ELF1: variants seen among roughly 807,000 people sequenced by gnomAD.
ELF1 encodes ETS-related transcription factor Elf-1.
A neutral mutation model predicts 59.9 loss-of-function variants in ELF1; 24 were observed. The observed-to-expected ratio is 0.40, with a 90% CI of 0.29 to 0.56. The LOEUF is 0.56. Ranked by LOEUF, ELF1 falls within the 20% of genes least tolerant of loss-of-function variation. The pLI, the probability that ELF1 is intolerant of heterozygous loss-of-function variation, is 0.44. For missense variants in ELF1, 627 were observed against 742.2 expected (o/e 0.84, Z 1.80); for synonymous variants, 248 against 266.2 (o/e 0.93, Z 0.67).
chr13:41,005,528 T>A (rs1233257264), intron 1 of ELF1, among the ~76,000 whole-genome samples: 1 of 148,436 alleles, frequency 6.7e-6, no homozygotes, highest in African/African-American at 2.5e-5. Flanking sequence ...GCAGGACTGA[T>A]AACTTGCATC....
intron 1 of ELF1, among the ~76,000 whole-genome samples, chr13:41,029,370 G>C (rs1190612653): frequency 6.6e-6 from 1 of 152,150 alleles, no homozygotes; most frequent in Non-Finnish European, 1.5e-5. Flanking sequence ...GTGAGGATGA[G>C]GGTGTTTCCA....
Position 41,047,915 on chromosome 13 carries a change from A to G in ELF1, c.-229+12923T>C, listed in dbSNP as rs193070142. Among the ~76,000 whole-genome samples, 100 of 152,334 alleles carry G rather than the reference A, an allele frequency of 6.6e-4. 1 individual carries two copies. The East Asian group carries it at 0.018, about 27-fold the overall frequency. ...GGCAGGCAGGCCTCCTTGAGCTGCAATGGGCTCCACCCAGTTCGAGCTTCA... is the reference window on the plus strand; with the variant it reads ...GGCAGGCAGGCCTCCTTGAGCTGCAGTGGGCTCCACCCAGTTCGAGCTTCA... On this transcript the variant is annotated intron_variant, in intron 1 of 1. Coordinates refer to the ELF1 transcript ENST00000405737.
chr13:40,980,641 G>A (rs1873204340), intron 2 of ELF1, among the ~76,000 whole-genome samples: 1 of 152,080 alleles, frequency 6.6e-6, no homozygotes, highest in African/African-American at 2.4e-5. Context: ...TTAGGGCTTT[G>A]TCCTCTGCTG....
At chr13:40,967,073 A>C (rs1015423134) in intron 2 of ELF1, among the ~76,000 whole-genome samples, 3 of 152,256 alleles carry the variant, frequency 2.0e-5, no homozygotes, top group Non-Finnish European at 4.4e-5. Flanking sequence ...CACATCTTTG[A>C]GACAAATCCC....
At chr13:41,052,939 T>A (rs1877142279) in intron 1 of ELF1, among the ~76,000 whole-genome samples, 1 of 152,134 alleles carries the variant, frequency 6.6e-6, no homozygotes, top group African/African-American at 2.4e-5. Flanking sequence ...CAAAAAATAA[T>A]TTTGAAAAGT....
chr13:41,031,957 T>C (rs906539009), intron 1 of ELF1, among the ~76,000 whole-genome samples: 1 of 151,986 alleles, frequency 6.6e-6, no homozygotes, highest in Admixed American at 6.5e-5. Flanking sequence ...ATATCATACT[T>C]CACTAATAAA....
Position 41,039,336 on chromosome 13 carries a change from T to TAAA in ELF1, c.-229+21499_-229+21501dup, listed in dbSNP as rs747996967. On this transcript the variant is annotated intron_variant, in intron 1 of 1. Coordinates refer to the ELF1 transcript ENST00000405737. The stretch of plus-strand genomic sequence containing the variant: ...AAAATATGACAAAAAGTCCTTTTTT[T>TAAA]AAAAAAAAAAAAAAAAAAAAACCTA... Among the ~76,000 whole-genome samples, 17 of 102,894 alleles carry TAAA rather than the reference T, an allele frequency of 1.7e-4. No homozygotes were observed. In the East Asian group the frequency reaches 2.6e-3, roughly 16 times the overall value. The allele number at this position is 102,894 out of a possible 152,430, so 67.5% of individuals were successfully genotyped here.
rs745794216 is a variant in ELF1 at position 40,941,345 on chromosome 13, C to T, written c.832G>A (p.Ala278Thr). Residue 278 changes from alanine (A) to threonine (T), a missense_variant, in exon 8 of 9, where the codon GCA becomes ACA. Ala to Thr is a moderately conservative substitution (Grantham distance 58, BLOSUM62 0). Around this residue, in one of 3 missense-constraint regions of ELF1, gnomAD observed 34 missense variants for 76.8 expected, o/e 0.44. Coordinates refer to ENST00000239882, the MANE Select transcript of ELF1 (RefSeq NM_172373.4). ...ACCAAGCGCTGACCTTCCACTTTTG[C>T]CAGAATACCCCTTTGGTAATAGTAC... ...LRYYYQRGIL[A>T]KVEGQRLVYQ... 1 of 1,604,606 alleles carries T rather than the reference C, an allele frequency of 6.2e-7. No individual in the cohort carries two copies. The highest frequency in any genetic ancestry group is 8.5e-7 in the Non-Finnish European group (1 of 1,177,064).
At chr13:41,050,716 A>G (rs1877052929) in intron 1 of ELF1, among the ~76,000 whole-genome samples, 1 of 151,880 alleles carries the variant, frequency 6.6e-6, no homozygotes, top group Non-Finnish European at 1.5e-5. Flanking sequence ...ACGCCCAGCT[A>G]ATTTTTGTAT....
At chr13:40,934,080 T>C in intron 8 of ELF1, 52 bp from the exon 9 acceptor site, 2 of 1,546,034 alleles carry the variant, frequency 1.3e-6, no homozygotes, top group Non-Finnish European at 1.7e-6. Flanking sequence ...CTACATCATT[T>C]AAAACTTTAA....
At position 40,933,285 on chromosome 13, in the gene ELF1, T is replaced by G. The variant is rs1438410212; in HGVS notation, c.*140A>C. On this transcript the variant is annotated 3_prime_UTR_variant, in exon 9 of 9. Transcript: ENST00000239882. ...AACAGTTGAGTTTTCCTCCCTCATC[T>G]AACAAAGTCAAAATTAACTCTATTT... The G allele has an allele frequency of 8.7e-7, 1 of 1,149,414 alleles. No homozygotes were observed. Among genetic ancestry groups the G allele is most frequent in the Non-Finnish European group, 1.2e-6 (1 of 841,988 alleles). 71.2% of individuals were successfully genotyped at this position (1,149,414 alleles called of 1,614,324 possible). A position where few individuals can be genotyped will look rare whatever the true frequency, so the allele number is the denominator to read the frequency against.
At chr13:40,954,747 G>T (rs1347434436) in intron 3 of ELF1, among the ~76,000 whole-genome samples, 3 of 151,484 alleles carry the variant, frequency 2.0e-5, no homozygotes, top group Non-Finnish European at 4.4e-5. Flanking sequence ...CGTTCACTCA[G>T]TGCTCAATGG....
chr13:41,056,356 A>G (rs548798007), intron 1 of ELF1, among the ~76,000 whole-genome samples: 2 of 152,092 alleles, frequency 1.3e-5, no homozygotes, highest in African/African-American at 4.8e-5. Context: ...GTGTGGATAC[A>G]CTACATTTTA....
intron 1 of ELF1, among the ~76,000 whole-genome samples, chr13:40,984,062 T>C (rs540337220): frequency 5.3e-5 from 8 of 152,230 alleles, no homozygotes; most frequent in Non-Finnish European, 7.3e-5. Flanking sequence ...GTACATTGTC[T>C]TACATTTGAA....
At chr13:41,025,089 A>G (rs1472468094) in intron 1 of ELF1, among the ~76,000 whole-genome samples, 1 of 152,016 alleles carries the variant, frequency 6.6e-6, no homozygotes, top group African/African-American at 2.4e-5. Context: ...CCAGACTATT[A>G]TGGCGTTCAA....
At chr13:41,017,428 C>T (rs1450348671) in intron 1 of ELF1, among the ~76,000 whole-genome samples, 3 of 152,166 alleles carry the variant, frequency 2.0e-5, no homozygotes, top group East Asian at 3.8e-4. Flanking sequence ...GGACAATCTT[C>T]AGTCACTTTC....
upstream of ELF1, among the ~76,000 whole-genome samples, chr13:41,023,749 T>C (rs1046649005): frequency 6.6e-6 from 1 of 152,204 alleles, no homozygotes; most frequent in Non-Finnish European, 1.5e-5. Context: ...CTATGTATTT[T>C]CAGGGGCTTA....
chr13:40,970,866 T>C (rs992868993), intron 2 of ELF1, among the ~76,000 whole-genome samples: 1 of 152,210 alleles, frequency 6.6e-6, no homozygotes, highest in Non-Finnish European at 1.5e-5. Flanking sequence ...CTCTAGTCTC[T>C]GTCTTTGGGA....
intron 8 of ELF1, among the ~76,000 whole-genome samples, chr13:40,934,465 C>A (rs549493046): frequency 7.6e-6 from 1 of 131,974 alleles, no homozygotes; most frequent in East Asian, 2.2e-4. Flanking sequence ...TCTTGTTGCT[C>A]AGGCTGGAGT....
Sources: allele counts gnomAD v4.1 joint callset (sites outside exome capture counted in the v4.1 genomes callset), GRCh38; gene constraint gnomAD v4.1.1; regional missense constraint gnomAD v4.1.1; transcripts MANE v1.5; gene names NCBI Gene and HGNC (gene_info 2026-07-23, HGNC 2026-07-21).